Variants in BLK observed in about 807,000 individuals in gnomAD.
BLK encodes the protein BLK proto-oncogene, Src family tyrosine kinase, also known as tyrosine-protein kinase Blk.
In BLK, 64 loss-of-function variants were observed where a neutral mutation model predicts 61.8. The observed-to-expected ratio is 1.03, with a 90% CI of 0.85 to 1.27. The LOEUF (loss-of-function observed/expected upper bound fraction) is 1.27. Ranked by LOEUF, BLK falls within the 50% of genes most tolerant of loss-of-function variation. BLK has a pLI of 0.00. For synonymous variants in BLK, 351 were observed against 272.0 expected, an observed-to-expected ratio of 1.29 and a Z score of -2.86; for missense variants, 853 against 660.5, an observed-to-expected ratio of 1.29 and a Z score of -3.19.
At chr8:11,527,792 C>T (rs1199997326) in intron 1 of BLK, among the ~76,000 whole-genome samples, 2 of 151,070 alleles carry the variant, frequency 1.3e-5, no homozygotes, top group South Asian at 2.1e-4. Flanking sequence ...AAAAAAAAAT[C>T]TCAAAAGACC....
chr8:11,495,687 C>A (rs73537739), intron 1 of BLK, among the ~76,000 whole-genome samples: 3,611 of 152,266 alleles, frequency 0.024, 166 homozygotes, highest in African/African-American at 0.083. Flanking sequence ...TCAGAGGAGA[C>A]ATGATGGTCA....
At chr8:11,503,377 G>T (rs565548082) in intron 1 of BLK, among the ~76,000 whole-genome samples, 3 of 152,212 alleles carry the variant, frequency 2.0e-5, no homozygotes, top group African/African-American at 4.8e-5. Flanking sequence ...GCTTTTATCT[G>T]GTTTCCTCTG....
chr8:11,505,577 T>C (rs1236274719), intron 1 of BLK, among the ~76,000 whole-genome samples: 1 of 152,184 alleles, frequency 6.6e-6, no homozygotes, highest in Admixed American at 6.5e-5. Context: ...CCCTCCCCCT[T>C]CTAGACTGGG....
chr8:11,513,134 G>A (rs1348357163), intron 1 of BLK, among the ~76,000 whole-genome samples: 2 of 151,946 alleles, frequency 1.3e-5, no homozygotes, highest in Admixed American at 6.5e-5. Context: ...TACTGTCCAT[G>A]CCCACGGCCT....
At chr8:11,503,605 G>C (rs989724953) in intron 1 of BLK, among the ~76,000 whole-genome samples, 3 of 152,200 alleles carry the variant, frequency 2.0e-5, no homozygotes, top group East Asian at 1.9e-4. Flanking sequence ...TTCCTGCCGT[G>C]GACCAGGGAT....
intron 8 of BLK, chr8:11,556,420 G>T: frequency 1.8e-6 from 1 of 569,096 alleles, no homozygotes; most frequent in South Asian, 1.9e-5. Flanking sequence ...AGGGTGTGGG[G>T]CAAATAGGTG....
intron 1 of BLK, among the ~76,000 whole-genome samples, chr8:11,543,005 ATGCAGTGCTTTC>A (rs894331665): frequency 2.0e-5 from 3 of 152,122 alleles, no homozygotes; most frequent in African/African-American, 7.2e-5. Flanking sequence ...TGTGTCCTAA[ATGCAGTGCTTTC>A]TGCTGTATGG....
intron 9 of BLK, among the ~76,000 whole-genome samples, chr8:11,557,076 G>T (rs1268780671): frequency 6.6e-6 from 1 of 152,182 alleles, no homozygotes; most frequent in African/African-American, 2.4e-5. Context: ...AGTTCAGACA[G>T]CATTTCTGGA....
intron 11 of BLK, 109 bp downstream of exon 11, chr8:11,561,561 G>A: frequency 7.2e-7 from 1 of 1,395,584 alleles, no homozygotes; most frequent in South Asian, 1.2e-5. Context: ...ACACCTGAGG[G>A]CTATACGGTT....
Position 11,563,098 on chromosome 8 carries a change from G to C in BLK, c.1300G>C (p.Val434Leu), listed in dbSNP as rs376956553. 2 of 1,613,792 alleles carry C rather than the reference G, an allele frequency of 1.2e-6. No individual in the cohort carries two copies. Among genetic ancestry groups the C allele is most frequent in the East Asian group, 2.2e-5 (1 of 44,874 alleles). ...GATGGAAGTTGTCACTTATGGGCGGGTGCCATACCCAGGTAGGTGGCTCAC... is the reference window on the plus strand; with the variant it reads ...GATGGAAGTTGTCACTTATGGGCGGCTGCCATACCCAGGTAGGTGGCTCAC... ...LLMEVVTYGR[V>L]PYPGMSNPEV... Residue 434 changes from valine to leucine, a missense_variant, in exon 12 of 13, where the codon GTG becomes CTG. Coordinates refer to ENST00000259089, the MANE Select transcript of BLK (RefSeq NM_001715.3).
At chr8:11,531,238 T>C (rs144498628) in intron 1 of BLK, among the ~76,000 whole-genome samples, 1 of 152,362 alleles carries the variant, frequency 6.6e-6, no homozygotes, top group East Asian at 1.9e-4. Flanking sequence ...TTTTCAAAAA[T>C]GTCCTGCCTG....
intron 1 of BLK, among the ~76,000 whole-genome samples, chr8:11,534,617 C>A (rs1485021232): frequency 6.6e-6 from 1 of 152,210 alleles, no homozygotes; most frequent in African/African-American, 2.4e-5. Context: ...AAAATCTTTT[C>A]TATCAATTTT....
intron 1 of BLK, among the ~76,000 whole-genome samples, chr8:11,505,542 C>G (rs534376813): frequency 3.7e-4 from 56 of 152,260 alleles, no homozygotes; most frequent in African/African-American, 1.3e-3. Flanking sequence ...CAATTTGCTC[C>G]CAAGCTCCAT....
intron 1 of BLK, among the ~76,000 whole-genome samples, chr8:11,519,961 T>C (rs1168569671): frequency 1.3e-5 from 2 of 152,240 alleles, no homozygotes; most frequent in Non-Finnish European, 2.9e-5. Context: ...GTTTTCTTTA[T>C]AATTTCCTGT....
At position 11,564,144 on chromosome 8, in the gene BLK, G is replaced by A. The variant is rs1179328655; in HGVS notation, c.*36G>A. ...CCGCCTGCGCCCCGTGCCCACCTCT[G>A]CGCGGACGACCCCGACTTCCGTGCC... On this transcript the variant is annotated 3_prime_UTR_variant, in exon 13 of 13. Transcript: ENST00000259089. 2 of 1,535,240 alleles carry A rather than the reference G, an allele frequency of 1.3e-6. No individual in the cohort carries two copies. Among genetic ancestry groups the A allele is most frequent in the South Asian group, 2.4e-5 (2 of 84,096 alleles).
chr8:11,538,383 A>G (rs1241512106), intron 1 of BLK, among the ~76,000 whole-genome samples: 1 of 152,164 alleles, frequency 6.6e-6, no homozygotes, highest in African/African-American at 2.4e-5. Flanking sequence ...CTCTTGAGGA[A>G]CCCAGGTCTC....
At position 11,561,364 on chromosome 8, in the gene BLK, C is replaced by T; in HGVS notation, c.1092C>T (p.Ala364=). 1 of 1,614,170 alleles carries T rather than the reference C, an allele frequency of 6.2e-7. No individual in the cohort carries two copies. Among genetic ancestry groups the T allele is most frequent in the Non-Finnish European group, 8.5e-7 (1 of 1,180,008 alleles). Residue 364 remains alanine, a synonymous_variant, in exon 11 of 13, where the codon GCC becomes GCT. Transcript: ENST00000259089. ...CCATCCACCGCGACCTGCGGGCGGC[C>T]AACATCCTGGTGTCTGAGGCCTTGT... ...MNSIHRDLRA[A]NILVSEALCC... is the part of the protein sequence containing the mutation.
intron 1 of BLK, among the ~76,000 whole-genome samples, chr8:11,512,408 C>G (rs950294941): frequency 1.3e-5 from 2 of 152,196 alleles, no homozygotes; most frequent in Non-Finnish European, 2.9e-5. Flanking sequence ...ATCACTCTGA[C>G]GACATGTCAG....
intron 6 of BLK, chr8:11,553,496 G>C (rs11250146): frequency 0.41 from 146,516 of 360,518 alleles, 33,192 homozygotes; most frequent in Non-Finnish European, 0.52. Context: ...CAAGTGAGGG[G>C]TCTAAAGCAC....
Sources: gnomAD v4.1 joint callset for allele counts (sites outside exome capture counted in the v4.1 genomes callset) on GRCh38, gnomAD v4.1.1 for gene constraint, MANE v1.5 for transcripts, NCBI Gene and HGNC (gene_info 2026-07-23, HGNC 2026-07-21) for gene names.